ARHGAP18: variants seen among roughly 807,000 people sequenced by gnomAD.
ARHGAP18 encodes Rho GTPase activating protein 18.
In ARHGAP18, 67 loss-of-function variants were observed where a neutral mutation model predicts 86.2. The ratio of observed to expected loss-of-function variants is 0.78; its 90% CI spans 0.64 to 0.95. The LOEUF is 0.95. Ranked by LOEUF, ARHGAP18 falls within the 40% of genes least tolerant of loss-of-function variation. The probability of loss-of-function intolerance (pLI) is 0.00; values close to 1 mark genes in which losing one functional copy is unlikely to be tolerated. For synonymous variants in ARHGAP18, 283 were observed against 280.4 expected (o/e 1.01, Z -0.09); for missense variants, 691 against 780.4 (o/e 0.89, Z 1.37).
At chr6:129,653,213 T>C (rs190087672) in intron 1 of ARHGAP18, among the ~76,000 whole-genome samples, 2 of 152,046 alleles carry the variant, frequency 1.3e-5, no homozygotes, top group East Asian at 1.9e-4. Context: ...AAACACTGGA[T>C]GAAAATATTA....
Position 129,616,308 on chromosome 6 carries a change from A to T in ARHGAP18, c.953-5T>A. 7.5e-6 allele frequency: 12 copies of T among 1,604,782 alleles called. No homozygotes were observed. Among genetic ancestry groups the T allele is most frequent in the South Asian group, 2.3e-5 (2 of 88,880 alleles). On this transcript the variant is annotated splice_polypyrimidine_tract_variant and splice_region_variant and intron_variant, in intron 6 of 14. Coordinates refer to ENST00000368149, the MANE Select transcript of ARHGAP18 (RefSeq NM_033515.3). ...GAACGCAAAAAAGACCAGAATCTGCAAGAAAAAAAATGAAATTTCCTCACT... is the reference window on the plus strand; with the variant it reads ...GAACGCAAAAAAGACCAGAATCTGCTAGAAAAAAAATGAAATTTCCTCACT...
intron 1 of ARHGAP18, among the ~76,000 whole-genome samples, chr6:129,665,044 A>G (rs1351999106): frequency 6.6e-6 from 1 of 152,210 alleles, no homozygotes; most frequent in Non-Finnish European, 1.5e-5. Flanking sequence ...GAACTCTGAC[A>G]GAGCCTTTAG....
At chr6:129,663,897 G>A (rs1409141175) in intron 1 of ARHGAP18, among the ~76,000 whole-genome samples, 4 of 152,258 alleles carry the variant, frequency 2.6e-5, no homozygotes, top group African/African-American at 9.6e-5. Flanking sequence ...GGGTGACCTG[G>A]CAGCCAGAAG....
intron 8 of ARHGAP18, 28 bp from the exon 9 acceptor site, chr6:129,608,080 A>AC (rs1788895338): frequency 1.3e-6 from 2 of 1,548,854 alleles, no homozygotes; most frequent in South Asian, 2.5e-5. Flanking sequence ...AAAAAAAAAA[A>AC]AAAAAAGAAG....
intron 1 of ARHGAP18, among the ~76,000 whole-genome samples, chr6:129,652,961 T>A (rs1263234043): frequency 6.6e-6 from 1 of 152,226 alleles, no homozygotes; most frequent in African/African-American, 2.4e-5. Flanking sequence ...GACTTTCATA[T>A]AACTTTCTAT....
chr6:129,620,937 C>T (rs1196383582), intron 5 of ARHGAP18, among the ~76,000 whole-genome samples: 4 of 152,082 alleles, frequency 2.6e-5, no homozygotes, highest in Admixed American at 2.0e-4. Context: ...TGAATGCAAA[C>T]GTAAATATGA....
chr6:129,583,960 G>T, intron 13 of ARHGAP18, 28 bp downstream of exon 13: 3 of 1,608,758 alleles, frequency 1.9e-6, no homozygotes, highest in Non-Finnish European at 2.5e-6. Context: ...TTATGCCATG[G>T]CATAATTAAC....
chr6:129,678,392 C>T (rs537686093), intron 1 of ARHGAP18, among the ~76,000 whole-genome samples: 12 of 152,180 alleles, frequency 7.9e-5, no homozygotes, highest in Non-Finnish European at 1.6e-4. Context: ...AAATATTGCT[C>T]AAACATATAC....
At chr6:129,689,639 C>T (rs527649295) in intron 1 of ARHGAP18, among the ~76,000 whole-genome samples, 1 of 152,206 alleles carries the variant, frequency 6.6e-6, no homozygotes, top group South Asian at 2.1e-4. Context: ...AAAACTTCAC[C>T]AGAGTACTTT....
At chr6:129,611,405 T>C (rs1788976572) in intron 8 of ARHGAP18, 128 bp downstream of exon 8, 1 of 725,856 alleles carries the variant, frequency 1.4e-6, no homozygotes, top group Non-Finnish European at 2.2e-6. Context: ...TGGTAAAAGG[T>C]TTTATTGTTT....
chr6:129,604,202 TC>T (rs58339587), intron 10 of ARHGAP18, among the ~76,000 whole-genome samples: 59,880 of 146,578 alleles, frequency 0.41, 12,215 homozygotes, highest in African/African-American at 0.49. Flanking sequence ...AAAATAGTAC[TC>T]CCCCCCCCCT....
At chr6:129,599,411 A>G in intron 11 of ARHGAP18, 55 bp from the exon 12 acceptor site, 1 of 1,343,026 alleles carries the variant, frequency 7.4e-7, no homozygotes, top group South Asian at 1.9e-5. Flanking sequence ...ACCATTTTAA[A>G]CTACAAAAAA....
chr6:129,643,595 T>G (rs1773514085), intron 1 of ARHGAP18, among the ~76,000 whole-genome samples: 1 of 152,214 alleles, frequency 6.6e-6, no homozygotes, highest in Non-Finnish European at 1.5e-5. Context: ...AATAAATTTT[T>G]TTAAAGAATA....
intron 5 of ARHGAP18, among the ~76,000 whole-genome samples, chr6:129,626,063 T>TACACACACACAC (rs1220136567): frequency 2.1e-4 from 6 of 28,408 alleles, no homozygotes; most frequent in African/African-American, 8.7e-4. Flanking sequence ...TATATACACA[T>TACACACACACAC]ATACACACAC....
intron 3 of ARHGAP18, among the ~76,000 whole-genome samples, chr6:129,635,907 G>C (rs1773322344): frequency 6.6e-6 from 1 of 152,186 alleles, no homozygotes; most frequent in South Asian, 2.1e-4. Flanking sequence ...AAACCATGTG[G>C]TTGTGACACT....
intron 1 of ARHGAP18, among the ~76,000 whole-genome samples, chr6:129,662,154 A>C (rs572614138): frequency 1.1e-4 from 17 of 152,360 alleles, no homozygotes; most frequent in African/African-American, 3.8e-4. Context: ...ATATATCTTT[A>C]ATGGTTTTAC....
chr6:129,613,057 C>T (rs1789013520), intron 7 of ARHGAP18, among the ~76,000 whole-genome samples: 1 of 151,728 alleles, frequency 6.6e-6, no homozygotes, highest in South Asian at 2.1e-4. Context: ...CATGGTGAAA[C>T]CCCGTCTCTA....
intron 12 of ARHGAP18, among the ~76,000 whole-genome samples, chr6:129,591,230 TTAACTTGAGCCA>T (rs1334731765): frequency 6.6e-6 from 1 of 152,226 alleles, no homozygotes; most frequent in African/African-American, 2.4e-5. Flanking sequence ...CAGTCTGTTC[TTAACTTGAGCCA>T]TAATAATAAC....
chr6:129,657,094 A>T (rs1562713670), intron 1 of ARHGAP18, among the ~76,000 whole-genome samples: 1 of 152,234 alleles, frequency 6.6e-6, no homozygotes, highest in Non-Finnish European at 1.5e-5. Flanking sequence ...TACTCTGCAA[A>T]TGAAAGCTCC....
Sources: allele counts gnomAD v4.1 joint callset (sites outside exome capture counted in the v4.1 genomes callset), GRCh38; gene constraint gnomAD v4.1.1; transcripts MANE v1.5; gene names NCBI Gene and HGNC (gene_info 2026-07-23, HGNC 2026-07-21).